The following PTGR2 variants were observed in gnomAD, a reference collection of about 807,000 sequenced individuals.
The protein encoded by PTGR2 is prostaglandin reductase 2.
Under a neutral mutation model 43.4 loss-of-function variants are expected in PTGR2, and 32 were observed. The observed-to-expected ratio is 0.74, with a 90% CI of 0.56 to 0.99. PTGR2 has a LOEUF of 0.99. Ranked by LOEUF, PTGR2 falls within the 50% of genes least tolerant of loss-of-function variation. PTGR2 has a pLI of 0.00. For synonymous variants in PTGR2, 106 were observed against 139.2 expected (o/e 0.76, Z 1.68); for missense variants, 373 against 420.0 (o/e 0.89, Z 0.98).
intron 1 of PTGR2, among the ~76,000 whole-genome samples, chr14:73,853,744 T>G (rs972059270): frequency 1.3e-5 from 2 of 152,088 alleles, no homozygotes; most frequent in Non-Finnish European, 2.9e-5. Context: ...TCCTGGCATT[T>G]AGGAATATTA....
At chr14:73,863,894 G>T (rs889914642) in intron 3 of PTGR2, among the ~76,000 whole-genome samples, 1 of 152,076 alleles carries the variant, frequency 6.6e-6, no homozygotes, top group Admixed American at 6.5e-5. Context: ...AGGATTACAG[G>T]TGTGAGCCAT....
intron 1 of PTGR2, among the ~76,000 whole-genome samples, chr14:73,855,881 C>T (rs534915887): frequency 7.9e-5 from 12 of 151,228 alleles, no homozygotes; most frequent in African/African-American, 2.4e-4. Context: ...CATGGTGAAA[C>T]CCCGTCTCTA....
chr14:73,866,859 C>T (rs1016266783), intron 3 of PTGR2, among the ~76,000 whole-genome samples: 8 of 151,742 alleles, frequency 5.3e-5, no homozygotes, highest in South Asian at 2.1e-4. Flanking sequence ...GAGGCTGAGG[C>T]GGGCAGATCA....
chr14:73,871,367 T>TTTA (rs71115926), intron 3 of PTGR2, among the ~76,000 whole-genome samples: 33 of 119,748 alleles, frequency 2.8e-4, no homozygotes, highest in Non-Finnish European at 5.5e-4. Context: ...TTTTTTTTTT[T>TTTA]AATTTTTGTT....
At chr14:73,859,882 A>G (rs1345568327) in intron 2 of PTGR2, among the ~76,000 whole-genome samples, 5 of 148,258 alleles carry the variant, frequency 3.4e-5, no homozygotes, top group African/African-American at 1.2e-4. Flanking sequence ...TTTTTTTGAC[A>G]CGGAGTCTCG....
At chr14:73,868,825 T>C (rs927692410) in intron 3 of PTGR2, among the ~76,000 whole-genome samples, 1 of 152,114 alleles carries the variant, frequency 6.6e-6, no homozygotes, top group African/African-American at 2.4e-5. Context: ...TGCTCTTCCT[T>C]GCTCCTTTGC....
intron 6 of PTGR2, chr14:73,879,814 G>C: frequency 2.2e-6 from 1 of 447,708 alleles, no homozygotes; most frequent in Non-Finnish European, 4.1e-6. Context: ...CTAATAAGTA[G>C]CAACAACAAC....
intron 9 of PTGR2, among the ~76,000 whole-genome samples, 163 bp downstream of exon 9, chr14:73,882,601 C>T (rs578252409): frequency 3.6e-4 from 55 of 151,708 alleles, no homozygotes; most frequent in African/African-American, 1.3e-3. Context: ...TCCAGGCTCA[C>T]GCCATTCTCC....
chr14:73,876,823 T>G (rs990674440), intron 4 of PTGR2, among the ~76,000 whole-genome samples, 175 bp from the exon 5 acceptor site: 10 of 152,116 alleles, frequency 6.6e-5, no homozygotes, highest in Non-Finnish European at 1.2e-4. Flanking sequence ...ATGTCCTCAT[T>G]CAATCCTAAA....
intron 3 of PTGR2, among the ~76,000 whole-genome samples, chr14:73,863,076 CA>C (rs1184236383): frequency 6.6e-6 from 1 of 152,164 alleles, no homozygotes; most frequent in Non-Finnish European, 1.5e-5. Flanking sequence ...TTAAAGAGTA[CA>C]ACTAAATTAT....
At chr14:73,874,721 T>G in intron 4 of PTGR2, 2 of 371,862 alleles carry the variant, frequency 5.4e-6, no homozygotes, top group Non-Finnish European at 1.1e-5. Flanking sequence ...GGGCTTGAGG[T>G]TTTTGGGGGA....
intron 1 of PTGR2, among the ~76,000 whole-genome samples, chr14:73,856,085 C>CT (rs1397532321): frequency 6.6e-6 from 1 of 151,540 alleles, no homozygotes; most frequent in East Asian, 2.0e-4. Flanking sequence ...TTAGTGTAGT[C>CT]TAAGTGCATA....
chr14:73,865,214 A>G (rs994517844), intron 3 of PTGR2, among the ~76,000 whole-genome samples: 1 of 152,194 alleles, frequency 6.6e-6, no homozygotes, highest in Non-Finnish European at 1.5e-5. Flanking sequence ...AGGCCCGACA[A>G]CCAAGGAAGC....
chr14:73,874,941 C>T (rs1460328793), intron 4 of PTGR2, among the ~76,000 whole-genome samples: 5 of 152,140 alleles, frequency 3.3e-5, no homozygotes, highest in Non-Finnish European at 5.9e-5. Context: ...TCACTGCAAC[C>T]TCTGCCTCCT....
intron 4 of PTGR2, among the ~76,000 whole-genome samples, chr14:73,876,215 C>T (rs1189297125): frequency 2.0e-5 from 3 of 152,178 alleles, no homozygotes; most frequent in Admixed American, 2.0e-4. Context: ...GTTTACTCTT[C>T]TATAAACCAT....
intron 6 of PTGR2, chr14:73,879,848 C>T (rs2054941144): frequency 2.0e-6 from 1 of 504,338 alleles, no homozygotes; most frequent in South Asian, 2.3e-5. Context: ...TTGCTGATTA[C>T]CAACCATTTA....
intron 4 of PTGR2, among the ~76,000 whole-genome samples, chr14:73,876,483 C>CTTTTTTTTT (rs766810794): frequency 0.032 from 3,431 of 108,104 alleles, 221 homozygotes; most frequent in Non-Finnish European, 0.038. Flanking sequence ...GACATAAGTC[C>CTTTTTTTTT]TTTTTTTTTT....
chr14:73,870,934 C>G (rs1402925506), intron 3 of PTGR2, among the ~76,000 whole-genome samples: 1 of 152,150 alleles, frequency 6.6e-6, no homozygotes, highest in Non-Finnish European at 1.5e-5. Flanking sequence ...TCTTCTTGCT[C>G]TTTGCTGGCA....
At chr14:73,876,705 G>A (rs2054874074) in intron 4 of PTGR2, among the ~76,000 whole-genome samples, 1 of 151,966 alleles carries the variant, frequency 6.6e-6, no homozygotes, top group African/African-American at 2.4e-5. Flanking sequence ...TCGAACTCCT[G>A]GTCTCAGGTG....
Sources: gnomAD v4.1 joint callset for allele counts (sites outside exome capture counted in the v4.1 genomes callset) on GRCh38, gnomAD v4.1.1 for gene constraint, MANE v1.5 for transcripts, NCBI Gene and HGNC (gene_info 2026-07-23, HGNC 2026-07-21) for gene names.